TANC2: variants seen among roughly 807,000 people sequenced by gnomAD.
TANC2 encodes tetratricopeptide repeat, ankyrin repeat and coiled-coil containing 2, also known as protein TANC2.
Under a neutral mutation model 210.5 loss-of-function variants are expected in TANC2, and 26 were observed. That is an observed-to-expected ratio of 0.12 (90% CI 0.09 to 0.17). TANC2 has a LOEUF of 0.17. TANC2 is among the 10% of genes least tolerant of loss of function. The pLI is 1.00. For missense variants in TANC2, 2,129 were observed against 2,608.9 expected, an observed-to-expected ratio of 0.82 and a Z score of 4.01; for synonymous variants, 931 against 967.1, an observed-to-expected ratio of 0.96 and a Z score of 0.69.
intron 9 of TANC2, among the ~76,000 whole-genome samples, chr17:63,310,318 A>G (rs1320740897): frequency 1.3e-5 from 2 of 152,038 alleles, no homozygotes; most frequent in Non-Finnish European, 2.9e-5. Context: ...GTCGTTGCAC[A>G]CGCCTGTAGT....
intron 2 of TANC2, among the ~76,000 whole-genome samples, chr17:63,053,434 CT>C (rs770169457): frequency 6.6e-6 from 1 of 152,204 alleles, no homozygotes; most frequent in Non-Finnish European, 1.5e-5. Context: ...CATAAAACCC[CT>C]TCTTTGTTTC....
chr17:63,359,242 G>A (rs974516851), intron 14 of TANC2, among the ~76,000 whole-genome samples: 1 of 151,848 alleles, frequency 6.6e-6, no homozygotes, highest in African/African-American at 2.4e-5. Flanking sequence ...TTTGTTTGTA[G>A]AGAAAGAGTC....
intron 21 of TANC2, 140 bp from the exon 22 acceptor site, chr17:63,411,371 C>A: frequency 1.3e-6 from 1 of 765,106 alleles, no homozygotes; most frequent in Admixed American, 2.8e-5. Context: ...ATACAACTGG[C>A]ATACCAGCAT....
chr17:63,038,921 TAA>T (rs1487988953), intron 2 of TANC2, among the ~76,000 whole-genome samples: 2 of 152,180 alleles, frequency 1.3e-5, no homozygotes, highest in African/African-American at 4.8e-5. Flanking sequence ...TTCTAGTGGA[TAA>T]GAGTGTATGT....
intron 4 of TANC2, among the ~76,000 whole-genome samples, chr17:63,109,322 AAG>A (rs1160900373): frequency 6.6e-6 from 1 of 151,744 alleles, no homozygotes; most frequent in Non-Finnish European, 1.5e-5. Context: ...CAAAATGAAA[AAG>A]AGGGAGTGAG....
rs373665673 is a variant in TANC2 at position 63,098,515 on chromosome 17, GTATA to G, written c.140-644_140-641del. ...TCTCTCTCTCTCTCTCTCTCTGTGT[GTATA>G]TATATATATATATATGTAAAAATTT... On this transcript the variant is annotated intron_variant, in intron 3 of 27. Coordinates refer to ENST00000689528, the Ensembl canonical transcript of TANC2. 2.4e-5 allele frequency among the ~76,000 whole-genome samples: 3 copies of G among 126,754 alleles called. 1 individual carries two copies. The highest frequency in any genetic ancestry group is 8.6e-5 in the African/African-American group (3 of 34,866). 83.2% of individuals were successfully genotyped at this position (126,754 alleles called of 152,430 possible). A position where few individuals can be genotyped will look rare whatever the true frequency, so the allele number is the denominator to read the frequency against.
At chr17:63,355,541 G>A (rs1378415104) in intron 14 of TANC2, among the ~76,000 whole-genome samples, 151 bp downstream of exon 14, 1 of 152,110 alleles carries the variant, frequency 6.6e-6, no homozygotes, top group Non-Finnish European at 1.5e-5. Context: ...CTATAATGAG[G>A]TTAACTAATT....
chr17:63,020,310 T>C (rs184682104), intron 2 of TANC2, among the ~76,000 whole-genome samples: 92 of 152,334 alleles, frequency 6.0e-4, no homozygotes, highest in Middle Eastern at 3.4e-3. Context: ...TTTATTCTTT[T>C]TCTTTTTTTT....
chr17:63,309,498 G>T (rs561222861), intron 9 of TANC2, among the ~76,000 whole-genome samples: 92 of 152,038 alleles, frequency 6.1e-4, no homozygotes, highest in African/African-American at 2.2e-3. Flanking sequence ...TGAATTATCT[G>T]GGTTTTTAAA....
At chr17:63,278,975 A>T (rs573086641) in intron 9 of TANC2, among the ~76,000 whole-genome samples, 1 of 152,084 alleles carries the variant, frequency 6.6e-6, no homozygotes, top group Non-Finnish European at 1.5e-5. Flanking sequence ...TTCAATGGGT[A>T]TAAAGTATCA....
chr17:62,991,516 G>A (rs974732171), intron 1 of TANC2, among the ~76,000 whole-genome samples: 10 of 151,680 alleles, frequency 6.6e-5, no homozygotes, highest in African/African-American at 2.4e-4. Flanking sequence ...GCGGGGGCCC[G>A]TAGGTCCCAA....
At chr17:63,041,084 T>A (rs1291359816) in intron 2 of TANC2, among the ~76,000 whole-genome samples, 2 of 152,156 alleles carry the variant, frequency 1.3e-5, no homozygotes, top group Admixed American at 1.3e-4. Context: ...ACAAAAATAA[T>A]AAGGATTCAG....
chr17:63,361,723 T>C (rs2046963379), intron 14 of TANC2, among the ~76,000 whole-genome samples: 1 of 152,236 alleles, frequency 6.6e-6, no homozygotes, highest in East Asian at 1.9e-4. Flanking sequence ...GTTTCAGCTC[T>C]TTCAGTCCCG....
chr17:63,407,209 G>A (rs1390430533), intron 21 of TANC2, among the ~76,000 whole-genome samples: 3 of 152,088 alleles, frequency 2.0e-5, no homozygotes, highest in Non-Finnish European at 2.9e-5. Flanking sequence ...TTTTTCCACA[G>A]ACTCAGACTC....
chr17:63,181,633 C>T lies in TANC2; in HGVS notation c.434-12358C>T, dbSNP rs146299926. Among the ~76,000 whole-genome samples, 16 of 152,310 alleles carry T rather than the reference C, an allele frequency of 1.1e-4. No individual in the cohort carries two copies. The South Asian group carries it at 1.5e-3, about 14-fold the overall frequency. ...GGAAAACAGAAATTTCACTTGACAC[C>T]GACACCTCCTACCACCTTAAATTCT... On this transcript the variant is annotated intron_variant, in intron 5 of 27. Transcript: ENST00000689528.
chr17:63,339,976 CAAA>C (rs1226943169), intron 11 of TANC2, 122 bp from the exon 12 acceptor site: 2 of 702,976 alleles, frequency 2.8e-6, no homozygotes, highest in South Asian at 1.9e-5. Context: ...AATGAAGAGA[CAAA>C]AAAGTATTAT....
At chr17:63,321,154 C>T (rs913645253) in intron 11 of TANC2, among the ~76,000 whole-genome samples, 15 of 151,752 alleles carry the variant, frequency 9.9e-5, no homozygotes, top group African/African-American at 2.7e-4. Context: ...GCCAAGATTG[C>T]GCCACTGCAC....
Position 63,224,611 on chromosome 17 carries a change from A to G in TANC2, c.770-13203A>G, listed in dbSNP as rs573062848. Among the ~76,000 whole-genome samples, 149 of 152,272 alleles carry G rather than the reference A, an allele frequency of 9.8e-4. 2 individuals are homozygous for G. The highest frequency in any genetic ancestry group is 6.8e-3 in the Middle Eastern group (2 of 294). ...ATACGTGCTGCCAACTGGCCTCTGT[A>G]TCCTCACTGATATTAGAGACCCCAG... On this transcript the variant is annotated intron_variant, in intron 7 of 27. Coordinates refer to ENST00000689528, the Ensembl canonical transcript of TANC2.
chr17:63,102,991 A>G (rs1448252545), intron 4 of TANC2, among the ~76,000 whole-genome samples: 3 of 152,224 alleles, frequency 2.0e-5, no homozygotes, highest in Admixed American at 2.0e-4. Flanking sequence ...TGAAGTATAC[A>G]GAAATATGTG....
Sources: allele counts gnomAD v4.1 joint callset (sites outside exome capture counted in the v4.1 genomes callset), GRCh38; gene constraint gnomAD v4.1.1; transcripts MANE v1.5; gene names NCBI Gene and HGNC (gene_info 2026-07-23, HGNC 2026-07-21).